The following GALNTL6 variants were observed in gnomAD, a reference collection of about 807,000 sequenced individuals.
The protein encoded by GALNTL6 is polypeptide N-acetylgalactosaminyltransferase like 6, also known as polypeptide N-acetylgalactosaminyltransferase-like 6.
Under a neutral mutation model 73.7 loss-of-function variants are expected in GALNTL6, and 46 were observed. The observed-to-expected ratio is 0.62, with a 90% CI of 0.49 to 0.80. The LOEUF (loss-of-function observed/expected upper bound fraction) is 0.80. GALNTL6 is among the 30% of genes least tolerant of loss of function. The pLI is 0.00. For missense variants in GALNTL6, 604 were observed against 755.0 expected, an observed-to-expected ratio of 0.80 and a Z score of 2.34; for synonymous variants, 259 against 263.7, an observed-to-expected ratio of 0.98 and a Z score of 0.17.
chr4:172,202,620 G>C (rs918644492), intron 2 of GALNTL6, among the ~76,000 whole-genome samples: 1 of 152,082 alleles, frequency 6.6e-6, no homozygotes, highest in African/African-American at 2.4e-5. Flanking sequence ...AAGTATCTAG[G>C]TAATGTACTT....
chr4:171,858,015 G>T (rs565715745), intron 2 of GALNTL6, among the ~76,000 whole-genome samples: 2 of 152,236 alleles, frequency 1.3e-5, no homozygotes, highest in East Asian at 3.9e-4. Flanking sequence ...TGGAAAGTGT[G>T]TAACAACCAT....
At chr4:172,002,732 G>C (rs1254442515) in intron 2 of GALNTL6, among the ~76,000 whole-genome samples, 1 of 152,126 alleles carries the variant, frequency 6.6e-6, no homozygotes, top group African/African-American at 2.4e-5. Flanking sequence ...CATTGGTCCT[G>C]ATTGAGTGAT....
rs1204467772 is a variant in GALNTL6, at chr4:173,027,324, T to C, written c.1638+5699T>C. On this transcript the variant is annotated intron_variant, in intron 12 of 12. Coordinates refer to ENST00000506823, the MANE Select transcript of GALNTL6 (RefSeq NM_001034845.3). ...TATGTGTATAATGTAAGATAAGGGT[T>C]GATTCATATACAGAGATAGAAATAG... 3.3e-5 allele frequency among the ~76,000 whole-genome samples: 5 copies of C among 152,324 alleles called. No homozygotes were observed. The East Asian group carries it at 7.7e-4, about 24-fold the overall frequency.
intron 5 of GALNTL6, among the ~76,000 whole-genome samples, chr4:172,588,367 G>A (rs1463925893): frequency 6.6e-6 from 1 of 152,032 alleles, no homozygotes; most frequent in Non-Finnish European, 1.5e-5. Context: ...GCCGAAGCGA[G>A]CAGATCACTT....
intron 5 of GALNTL6, among the ~76,000 whole-genome samples, chr4:172,799,377 C>T (rs1268371906): frequency 1.3e-5 from 2 of 152,128 alleles, no homozygotes; most frequent in East Asian, 3.9e-4. Context: ...TAACTTTGGT[C>T]CCGACACTTT....
chr4:171,850,572 T>G (rs1341682437), intron 2 of GALNTL6, among the ~76,000 whole-genome samples: 1 of 152,198 alleles, frequency 6.6e-6, no homozygotes, highest in Non-Finnish European at 1.5e-5. Flanking sequence ...GTTCATTTTG[T>G]TAAGTGCAGG....
intron 9 of GALNTL6, among the ~76,000 whole-genome samples, chr4:172,950,283 G>A (rs183039488): frequency 2.4e-4 from 36 of 152,326 alleles, no homozygotes; most frequent in African/African-American, 8.2e-4. Context: ...TGACGGGATG[G>A]TAGGGTGCAC....
chr4:172,398,075 A>G (rs1299382181), intron 5 of GALNTL6, among the ~76,000 whole-genome samples: 1 of 152,168 alleles, frequency 6.6e-6, no homozygotes, highest in Non-Finnish European at 1.5e-5. Flanking sequence ...AAAGCAGAAT[A>G]TATTTTGTAA....
intron 5 of GALNTL6, among the ~76,000 whole-genome samples, chr4:172,448,454 C>T (rs932484043): frequency 6.6e-6 from 1 of 152,132 alleles, no homozygotes; most frequent in Non-Finnish European, 1.5e-5. Context: ...ATTCTGTCAT[C>T]TTTTATCAAT....
At chr4:172,796,074 A>C (rs1740245280) in intron 5 of GALNTL6, among the ~76,000 whole-genome samples, 1 of 151,686 alleles carries the variant, frequency 6.6e-6, no homozygotes, top group African/African-American at 2.4e-5. Flanking sequence ...ATTGACTTTG[A>C]GTGATAAAAC....
rs374010108 is a variant in GALNTL6 at position 173,028,705 on chromosome 4, A to C, written c.1638+7080A>C. Among the ~76,000 whole-genome samples the C allele has an allele frequency of 6.6e-5, 10 of 152,314 alleles. No homozygotes were observed. In the East Asian group the frequency reaches 1.5e-3, roughly 23 times the overall value. On this transcript the variant is annotated intron_variant, in intron 12 of 12. Coordinates refer to ENST00000506823, the MANE Select transcript of GALNTL6 (RefSeq NM_001034845.3). ...TATGAGCCCTGCCTTCATAAACCCC[A>C]ACCTGTGCTGGATAAAACTTAACAC...
chr4:171,986,697 G>T (rs1740102439), intron 2 of GALNTL6, among the ~76,000 whole-genome samples: 1 of 152,014 alleles, frequency 6.6e-6, no homozygotes, highest in Non-Finnish European at 1.5e-5. Context: ...TTATTGTGTA[G>T]AATTATTGGT....
At position 172,547,361 on chromosome 4, in the gene GALNTL6, G is replaced by T. The variant is rs181201376; in HGVS notation, c.553+198672G>T. 5.5e-4 allele frequency among the ~76,000 whole-genome samples: 84 copies of T among 152,138 alleles called. 1 individual carries two copies. The highest frequency in any genetic ancestry group is 1.8e-4 in the Non-Finnish European group (12 of 67,988). On this transcript the variant is annotated intron_variant, in intron 5 of 12. Coordinates refer to ENST00000506823, the MANE Select transcript of GALNTL6 (RefSeq NM_001034845.3). ...CAATATAAAGTTGTCTTCTTTTGGGGTGCTCATCTATTTTGAGCAGATTTT... is the reference window on the plus strand; with the variant it reads ...CAATATAAAGTTGTCTTCTTTTGGGTTGCTCATCTATTTTGAGCAGATTTT...
intron 2 of GALNTL6, among the ~76,000 whole-genome samples, chr4:172,206,805 G>GGTT (rs1736134048): frequency 1.9e-4 from 5 of 26,128 alleles, no homozygotes; most frequent in African/African-American, 4.8e-4. Flanking sequence ...TTGTTTTTCT[G>GGTT]TTTTTTTTGT....
intron 2 of GALNTL6, among the ~76,000 whole-genome samples, chr4:171,922,934 G>A (rs997875744): frequency 1.3e-5 from 2 of 151,942 alleles, no homozygotes; most frequent in African/African-American, 4.8e-5. Context: ...ATTGTCTCAA[G>A]ATACATAATT....
chr4:172,646,069 C>T (rs1305576969), intron 5 of GALNTL6, among the ~76,000 whole-genome samples: 1 of 151,984 alleles, frequency 6.6e-6, no homozygotes. Flanking sequence ...AGTGGCATGT[C>T]CATCCCTCCA....
intron 7 of GALNTL6, among the ~76,000 whole-genome samples, chr4:172,840,400 C>T (rs1743144146): frequency 6.6e-6 from 1 of 152,222 alleles, no homozygotes; most frequent in Non-Finnish European, 1.5e-5. Context: ...TCTTTCCCTT[C>T]CGCCAGCTGC....
At chr4:172,168,041 A>T (rs575021556) in intron 2 of GALNTL6, among the ~76,000 whole-genome samples, 9 of 152,254 alleles carry the variant, frequency 5.9e-5, no homozygotes, top group African/African-American at 2.2e-4. Flanking sequence ...TTTTTAAGTA[A>T]ATACCTCCTT....
intron 5 of GALNTL6, among the ~76,000 whole-genome samples, chr4:172,398,328 T>C (rs1030855144): frequency 1.3e-5 from 2 of 152,194 alleles, no homozygotes; most frequent in Non-Finnish European, 2.9e-5. Context: ...TAAGAAGATA[T>C]GAGGGCTACT....
Sources: gnomAD v4.1 joint callset for allele counts (sites outside exome capture counted in the v4.1 genomes callset) on GRCh38, gnomAD v4.1.1 for gene constraint, MANE v1.5 for transcripts, NCBI Gene and HGNC (gene_info 2026-07-23, HGNC 2026-07-21) for gene names.